IL12RB1: variants seen among roughly 807,000 people sequenced by gnomAD.
IL12RB1 encodes the protein interleukin 12 receptor subunit beta 1.
In IL12RB1, 64 loss-of-function variants were observed where a neutral mutation model predicts 94.4. The ratio of observed to expected loss-of-function variants is 0.68; its 90% CI spans 0.55 to 0.83. IL12RB1 has a LOEUF of 0.83. Ranked by LOEUF, IL12RB1 falls within the 40% of genes least tolerant of loss-of-function variation. The pLI, the probability that IL12RB1 is intolerant of heterozygous loss-of-function variation, is 0.00. For missense variants in IL12RB1, 814 were observed against 855.6 expected, an observed-to-expected ratio of 0.95 and a Z score of 0.61; for synonymous variants, 362 against 355.5, an observed-to-expected ratio of 1.02 and a Z score of -0.21.
chr19:18,090,557 A>T (rs2036584727), upstream of IL12RB1: 2 of 152,168 alleles, frequency 1.3e-5, no homozygotes, highest in Non-Finnish European at 2.9e-5. Context: ...CCCCTTGTGG[A>T]GTATAGTTTT....
chr19:18,097,753 C>A, intron 1 of IL12RB1: 1 of 1,153,124 alleles, frequency 8.7e-7, no homozygotes, highest in Non-Finnish European at 1.1e-6. Flanking sequence ...CAGGCCGGGG[C>A]GGGGCCGGGG....
chr19:18,065,019 C>G (rs184182486), intron 12 of IL12RB1, among the ~76,000 whole-genome samples: 250 of 152,328 alleles, frequency 1.6e-3, no homozygotes, highest in African/African-American at 5.4e-3. Flanking sequence ...GATATTTCTG[C>G]ATAAACCGCC....
chr19:18,095,221 T>C (rs1343422745), intron 1 of IL12RB1, among the ~76,000 whole-genome samples: 1 of 152,150 alleles, frequency 6.6e-6, no homozygotes, highest in Non-Finnish European at 1.5e-5. Context: ...AAAAGTTGTA[T>C]GCCAATGTTT....
chr19:18,072,804 C>G (rs531211697), intron 8 of IL12RB1, among the ~76,000 whole-genome samples: 2 of 151,548 alleles, frequency 1.3e-5, no homozygotes, highest in South Asian at 2.1e-4. Context: ...AAAATTAGCC[C>G]GGCATGGTGG....
At chr19:18,079,315 G>T (rs1338712257) in intron 4 of IL12RB1, among the ~76,000 whole-genome samples, 1 of 151,792 alleles carries the variant, frequency 6.6e-6, no homozygotes, top group Non-Finnish European at 1.5e-5. Flanking sequence ...TGTTGGTCAG[G>T]CTGGTCTCGA....
Position 18,085,576 on chromosome 19 carries a change from C to T in IL12RB1, c.64+1184G>A, listed in dbSNP as rs78300548. ...AGAGCCATTGAAAAAGTCAGCACCC[C>T]GCTGATCCCCAGTGTACAGAGAAGG... is the stretch of plus-strand genomic sequence containing the variant. On this transcript the variant is annotated intron_variant, in intron 1 of 16. Coordinates refer to ENST00000593993, the MANE Select transcript of IL12RB1 (RefSeq NM_005535.3). Among the ~76,000 whole-genome samples the T allele has an allele frequency of 4.6e-3, 699 of 151,986 alleles. 5 individuals are homozygous for T. The highest frequency in any genetic ancestry group is 0.016 in the African/African-American group (654 of 41,452).
At chr19:18,096,112 C>T (rs967248663) in intron 1 of IL12RB1, among the ~76,000 whole-genome samples, 1 of 152,020 alleles carries the variant, frequency 6.6e-6, no homozygotes, top group African/African-American at 2.4e-5. Context: ...CCTGTGGTCC[C>T]ACCTACTCTG....
intron 12 of IL12RB1, among the ~76,000 whole-genome samples, chr19:18,065,911 C>T (rs560219006): frequency 4.0e-5 from 6 of 151,016 alleles, no homozygotes; most frequent in Admixed American, 2.6e-4. Flanking sequence ...TGGTGGTGTG[C>T]ACCTGTGTTT....
chr19:18,091,688 T>A (rs2036635187), upstream of IL12RB1: 1 of 152,102 alleles, frequency 6.6e-6, no homozygotes, highest in Admixed American at 6.6e-5. Context: ...AGGGATCATT[T>A]GAGGATGTTT....
intron 11 of IL12RB1, 119 bp downstream of exon 11, chr19:18,068,270 C>A: frequency 1.4e-6 from 1 of 713,360 alleles, no homozygotes; most frequent in Middle Eastern, 4.4e-4. Context: ...AGGTGATCCA[C>A]CCACCTTGGC....
Position 18,068,397 on chromosome 19 carries a change from C to T in IL12RB1, c.1319G>A (p.Gly440Glu), listed in dbSNP as rs753670992. 7 of 1,610,458 alleles carry T rather than the reference C, an allele frequency of 4.3e-6. No homozygotes were observed. The highest frequency in any genetic ancestry group is 5.9e-6 in the Non-Finnish European group (7 of 1,178,426). The change falls in exon 11 of 17, where the codon GGG becomes GAG. Residue 440 changes from glycine (G) to glutamate (E), a missense_variant. By Grantham distance (98) the Gly-to-Glu change is moderately conservative. Coordinates refer to ENST00000593993, the MANE Select transcript of IL12RB1 (RefSeq NM_005535.3). ...WSTVLSTYHFGGNASAAGTPH... is the reference protein window; with the variant it reads ...WSTVLSTYHFEGNASAAGTPH... ...AGGTTTGGGTCACTTACCATTGCCC[C>T]CAAAGTGGTAGGTGGACAGGACCGT...
intron 16 of IL12RB1, 64 bp from the exon 17 acceptor site, chr19:18,059,677 T>A (rs1003939184): frequency 1.3e-6 from 1 of 778,274 alleles, no homozygotes; most frequent in Non-Finnish European, 2.4e-6. Flanking sequence ...TAGGGAATCA[T>A]GTGAGTGGAT....
chr19:18,084,697 C>CCATACATA (rs71164365), intron 1 of IL12RB1, among the ~76,000 whole-genome samples: 4 of 84,012 alleles, frequency 4.8e-5, no homozygotes, highest in South Asian at 6.0e-4. Context: ...ATCCATCCAT[C>CCATACATA]CATACATACA....
intron 5 of IL12RB1, 147 bp downstream of exon 5, chr19:18,077,369 A>G (rs1307484879): frequency 4.4e-6 from 3 of 688,810 alleles, no homozygotes; most frequent in Non-Finnish European, 7.7e-6. Flanking sequence ...CTCAGAAAAA[A>G]AAAAAGAAAA....
Position 18,071,457 on chromosome 19 carries a change from C to T in IL12RB1, c.1021+655G>A, listed in dbSNP as rs990064460. On this transcript the variant is annotated intron_variant, in intron 9 of 16. Transcript: ENST00000593993. ...TGTAGCTCTATCAACCAGGGTGGAG[C>T]GCAGTGGCTCAGCTAGTTTTTGTTG... 30 of 433,490 alleles carry T rather than the reference C, an allele frequency of 6.9e-5. 1 individual carries two copies. Among genetic ancestry groups the T allele is most frequent in the Middle Eastern group, 5.6e-4 (1 of 1,784 alleles). The allele number at this position is 433,490 out of a possible 1,614,324, so 26.9% of individuals were successfully genotyped here. A position where few individuals can be genotyped will look rare whatever the true frequency, so the allele number is the denominator to read the frequency against.
chr19:18,080,639 C>G (rs903249353), intron 4 of IL12RB1, among the ~76,000 whole-genome samples, 193 bp downstream of exon 4: 4 of 152,082 alleles, frequency 2.6e-5, no homozygotes, highest in Admixed American at 1.3e-4. Context: ...TAAGTGCCCA[C>G]GAATAGGGGA....
chr19:18,068,017 CT>C (rs1216685125), intron 11 of IL12RB1, among the ~76,000 whole-genome samples: 1,676 of 59,804 alleles, frequency 0.028, 2 homozygotes, highest in Non-Finnish European at 0.037. Flanking sequence ...CAGCATTGTC[CT>C]TTTTTTTTTT....
chr19:18,072,669 C>T (rs997128966), intron 8 of IL12RB1, among the ~76,000 whole-genome samples: 2 of 151,908 alleles, frequency 1.3e-5, no homozygotes, highest in African/African-American at 2.4e-5. Flanking sequence ...TTTGAGAGGC[C>T]GGGCACGGGG....
At chr19:18,069,209 G>A (rs2034826129) in intron 10 of IL12RB1, among the ~76,000 whole-genome samples, 1 of 152,194 alleles carries the variant, frequency 6.6e-6, no homozygotes, top group South Asian at 2.1e-4. Flanking sequence ...TTTCCCTAAA[G>A]ACTGCTCATT....
Sources: allele counts gnomAD v4.1 joint callset (sites outside exome capture counted in the v4.1 genomes callset), GRCh38; gene constraint gnomAD v4.1.1; transcripts MANE v1.5; gene names NCBI Gene and HGNC (gene_info 2026-07-23, HGNC 2026-07-21).